IQCM: variants seen among roughly 807,000 people sequenced by gnomAD.
IQCM encodes IQ motif containing M.
A neutral mutation model predicts 57.6 loss-of-function variants in IQCM; 45 were observed. That is an observed-to-expected ratio of 0.78 (90% CI 0.62 to 1.00). The LOEUF (loss-of-function observed/expected upper bound fraction) is 1.00, where lower values mean the gene tolerates loss of function less well. Ranked by LOEUF, IQCM falls within the 50% of genes least tolerant of loss-of-function variation. The probability of loss-of-function intolerance (pLI) is 0.00; values close to 1 mark genes in which losing one functional copy is unlikely to be tolerated. For missense variants in IQCM, 468 were observed against 511.6 expected, an observed-to-expected ratio of 0.91 and a Z score of 0.82; for synonymous variants, 148 against 158.9, an observed-to-expected ratio of 0.93 and a Z score of 0.51.
At chr4:149,497,800 T>G (rs767811851) in intron 12 of IQCM, among the ~76,000 whole-genome samples, 3 of 151,782 alleles carry the variant, frequency 2.0e-5, no homozygotes, top group Non-Finnish European at 4.4e-5. Flanking sequence ...AGAACCTATA[T>G]ATATTTCTAT....
chr4:149,718,052 G>C (rs1765146747), intron 5 of IQCM, among the ~76,000 whole-genome samples: 1 of 152,186 alleles, frequency 6.6e-6, no homozygotes, highest in African/African-American at 2.4e-5. Context: ...TAGACAGAGA[G>C]GTTCATGGCT....
chr4:149,608,171 G>A (rs1413112712), intron 8 of IQCM, among the ~76,000 whole-genome samples: 1 of 151,786 alleles, frequency 6.6e-6, no homozygotes, highest in Non-Finnish European at 1.5e-5. Context: ...AACAAAGAAG[G>A]TTATTATATA....
chr4:149,808,908 G>T (rs1774315569), intron 2 of IQCM, among the ~76,000 whole-genome samples: 1 of 152,112 alleles, frequency 6.6e-6, no homozygotes, highest in Non-Finnish European at 1.5e-5. Context: ...ATTTTTTGAA[G>T]AAAGTTACTC....
chr4:149,390,053 G>A (rs983841761), intron 13 of IQCM, among the ~76,000 whole-genome samples: 2 of 151,928 alleles, frequency 1.3e-5, no homozygotes, highest in Non-Finnish European at 2.9e-5. Flanking sequence ...AGATCAGGTT[G>A]GAGAGACCAC....
At chr4:149,590,457 T>C (rs1004827149) in intron 8 of IQCM, among the ~76,000 whole-genome samples, 2 of 151,914 alleles carry the variant, frequency 1.3e-5, no homozygotes, top group Admixed American at 1.3e-4. Context: ...TCAACTTCTT[T>C]TTTTATTATT....
intron 8 of IQCM, among the ~76,000 whole-genome samples, chr4:149,592,558 C>G (rs1337401417): frequency 1.3e-5 from 2 of 151,960 alleles, no homozygotes; most frequent in African/African-American, 2.4e-5. Context: ...ATGGTATTGC[C>G]TAGGTTTTCT....
chr4:149,793,404 C>T (rs1445939719), intron 2 of IQCM, among the ~76,000 whole-genome samples: 1 of 152,120 alleles, frequency 6.6e-6, no homozygotes, highest in Admixed American at 6.6e-5. Context: ...CTTTACTACT[C>T]CTAGTGCCTC....
chr4:149,675,124 T>G (rs1408798591), intron 7 of IQCM, among the ~76,000 whole-genome samples: 1 of 151,944 alleles, frequency 6.6e-6, no homozygotes, highest in East Asian at 1.9e-4. Context: ...GAAAAGTGAA[T>G]GGATTAAAAT....
chr4:149,774,007 C>A (rs1770831531), intron 2 of IQCM, among the ~76,000 whole-genome samples: 1 of 152,044 alleles, frequency 6.6e-6, no homozygotes. Context: ...ATTTTATATA[C>A]CTTATATATT....
At chr4:149,759,319 G>A (rs1451378648) in intron 2 of IQCM, among the ~76,000 whole-genome samples, 2 of 152,194 alleles carry the variant, frequency 1.3e-5, no homozygotes, top group East Asian at 1.9e-4. Flanking sequence ...AATACACCAC[G>A]TAACGGTGAA....
At chr4:149,639,521 A>G (rs1579807994) in intron 7 of IQCM, among the ~76,000 whole-genome samples, 1 of 152,164 alleles carries the variant, frequency 6.6e-6, no homozygotes, top group African/African-American at 2.4e-5. Flanking sequence ...ACCTCCACAT[A>G]AGCAATTTAT....
rs563278992 is a variant in IQCM, at chr4:149,451,457, A to G, written c.1229-17900T>C. On this transcript the variant is annotated intron_variant, in intron 12 of 13. Transcript: ENST00000636793. ...AGCATCTCATGTACTCCATCAATAT[A>G]TGCACCTACTATTTGCCCACAAAAA... Among the ~76,000 whole-genome samples the G allele has an allele frequency of 4.6e-5, 7 of 151,840 alleles. No homozygotes were observed. In the East Asian group the frequency reaches 1.4e-3, roughly 30 times the overall value.
At chr4:149,640,598 C>T (rs1299131353) in intron 7 of IQCM, among the ~76,000 whole-genome samples, 2 of 152,142 alleles carry the variant, frequency 1.3e-5, no homozygotes, top group African/African-American at 4.8e-5. Context: ...TCCTTCTGGA[C>T]TGCTTAAATT....
chr4:149,415,241 T>C (rs1733660975), intron 13 of IQCM, among the ~76,000 whole-genome samples: 1 of 152,208 alleles, frequency 6.6e-6, no homozygotes, highest in East Asian at 1.9e-4. Context: ...CATTGGCTTC[T>C]GAAGAAAGCT....
chr4:149,384,204 G>A (rs1299589090), intron 13 of IQCM, among the ~76,000 whole-genome samples: 2 of 152,042 alleles, frequency 1.3e-5, no homozygotes, highest in African/African-American at 2.4e-5. Flanking sequence ...GTGACTGAAA[G>A]GGATCAGAAG....
At chr4:149,779,094 T>A (rs2150004982) in intron 2 of IQCM, among the ~76,000 whole-genome samples, 1 of 152,062 alleles carries the variant, frequency 6.6e-6, no homozygotes, top group Admixed American at 6.5e-5. Flanking sequence ...TAGAAGGAAA[T>A]AAAATTCAGC....
At chr4:149,374,521 C>T (rs1483596880) in intron 13 of IQCM, among the ~76,000 whole-genome samples, 1 of 152,154 alleles carries the variant, frequency 6.6e-6, no homozygotes, top group South Asian at 2.1e-4. Flanking sequence ...TCTTTGAAAA[C>T]CATTTTGACA....
chr4:149,382,358 T>C (rs1338632429), intron 13 of IQCM, among the ~76,000 whole-genome samples: 2 of 152,172 alleles, frequency 1.3e-5, no homozygotes, highest in Non-Finnish European at 2.9e-5. Context: ...AACTCTTTGC[T>C]CTGCTTTGTT....
At chr4:149,509,196 T>A (rs575097764) in intron 12 of IQCM, among the ~76,000 whole-genome samples, 1 of 152,330 alleles carries the variant, frequency 6.6e-6, no homozygotes, top group East Asian at 1.9e-4. Context: ...AGATCCAGCC[T>A]GAGCTAGGGG....
Sources: allele counts gnomAD v4.1 joint callset (sites outside exome capture counted in the v4.1 genomes callset), GRCh38; gene constraint gnomAD v4.1.1; transcripts MANE v1.5; gene names NCBI Gene and HGNC (gene_info 2026-07-23, HGNC 2026-07-21).